Variants in RDX observed in about 807,000 individuals in gnomAD.
RDX encodes deafness, autosomal recessive 24.
RDX carries 32 observed loss-of-function variants against 83.7 expected under a neutral mutation model. The ratio of observed to expected loss-of-function variants is 0.38; its 90% confidence interval spans 0.29 to 0.51. The LOEUF (loss-of-function observed/expected upper bound fraction) is 0.51. Ranked by LOEUF, RDX falls within the 20% of genes least tolerant of loss-of-function variation. The probability of loss-of-function intolerance (pLI) is 0.87; values close to 1 mark genes in which losing one functional copy is unlikely to be tolerated. For missense variants in RDX, 600 were observed against 689.9 expected, an observed-to-expected ratio of 0.87 and a Z score of 1.46; for synonymous variants, 229 against 222.7, an observed-to-expected ratio of 1.03 and a Z score of -0.25.
intron 1 of RDX, among the ~76,000 whole-genome samples, chr11:110,286,786 G>GC (rs1337711812): frequency 6.6e-6 from 1 of 152,100 alleles, no homozygotes; most frequent in Admixed American, 6.6e-5. Flanking sequence ...ACTGAATAAG[G>GC]CAACTCTGGC....
In RDX at chr11:110,232,013, G is replaced by A; in HGVS notation, c.1608C>T (p.Ala536=). 6.2e-7 allele frequency: 1 copy of A among 1,613,466 alleles called. No homozygotes were observed. Among genetic ancestry groups the A allele is most frequent in the Non-Finnish European group, 8.5e-7 (1 of 1,179,750 alleles). The change falls in exon 14 of 14, where the codon GCC becomes GCT. Residue 536 remains alanine, a synonymous_variant. Coordinates refer to ENST00000645495, the MANE Select transcript of RDX (RefSeq NM_002906.4). Reference sequence around the variant, plus strand: ...TTTTCTTGGTTTCATCTCTGGCTTGGGCTAATTCTGAACTTAATGCCTATT... The same window carrying A: ...TTTTCTTGGTTTCATCTCTGGCTTGAGCTAATTCTGAACTTAATGCCTATT... ...KQLQALSSEL[A]QARDETKKTQ...
intron 3 of RDX, among the ~76,000 whole-genome samples, chr11:110,268,391 C>G (rs548154104): frequency 3.3e-4 from 50 of 151,314 alleles, no homozygotes; most frequent in African/African-American, 1.2e-3. Context: ...AATGCAAAAG[C>G]TGATCAATGT....
chr11:110,223,268 G>C (rs1864315823), intron 14 of RDX, among the ~76,000 whole-genome samples: 1 of 152,116 alleles, frequency 6.6e-6, no homozygotes, highest in Non-Finnish European at 1.5e-5. Flanking sequence ...CAGAAGAATG[G>C]CGTGAACCCG....
In RDX at chr11:110,272,582, T is replaced by A; in HGVS notation, c.50A>T (p.Glu17Val). The change falls in exon 3 of 14, where the codon GAA becomes GTA. Residue 17 changes from glutamate (E) to valine (V), a missense_variant. Coordinates refer to ENST00000645495, the MANE Select transcript of RDX (RefSeq NM_002906.4). ...VRVTTMDAELEFAIQPNTTGK... is the reference protein window; with the variant it reads ...VRVTTMDAELVFAIQPNTTGK... ...AGTTGTATTGGGCTGAATGGCAAAT[T>A]CCAGCTCAGCATCCATTGTAGTTAC... 1 of 1,612,406 alleles carries A rather than the reference T, an allele frequency of 6.2e-7. No homozygotes were observed. Among genetic ancestry groups the A allele is most frequent in the South Asian group, 1.1e-5 (1 of 90,840 alleles).
intron 14 of RDX, among the ~76,000 whole-genome samples, chr11:110,219,396 G>A (rs1305640584): frequency 6.6e-6 from 1 of 152,214 alleles, no homozygotes; most frequent in African/African-American, 2.4e-5. Flanking sequence ...CTCAGAGATG[G>A]GAAACCTCCG....
intron 14 of RDX, among the ~76,000 whole-genome samples, chr11:110,215,365 AAAATAAATAAATAAATAAAT>A (rs141643262): frequency 9.2e-5 from 13 of 141,814 alleles, no homozygotes; most frequent in East Asian, 4.1e-4. Context: ...TCCATCTCAA[AAAATAAATAAATAAATAAAT>A]AAATAAATAA....
intron 14 of RDX, among the ~76,000 whole-genome samples, chr11:110,205,215 C>T (rs1343554339): frequency 2.6e-5 from 4 of 152,058 alleles, no homozygotes; most frequent in Admixed American, 2.6e-4. Context: ...TGGATCCATA[C>T]TTCATACCAT....
At chr11:110,270,328 T>C (rs141534129) in intron 3 of RDX, among the ~76,000 whole-genome samples, 4 of 152,302 alleles carry the variant, frequency 2.6e-5, no homozygotes, top group South Asian at 2.1e-4. Context: ...TTGAATACTG[T>C]AGGCAACTCT....
chr11:110,199,849 C>T (rs1349663080), intron 14 of RDX, among the ~76,000 whole-genome samples: 1 of 151,530 alleles, frequency 6.6e-6, no homozygotes, highest in Non-Finnish European at 1.5e-5. Flanking sequence ...TCTTTAACCT[C>T]TTTTTTTTTC....
intron 15 of RDX, among the ~76,000 whole-genome samples, chr11:110,193,454 C>T (rs145623703): frequency 5.3e-5 from 8 of 152,196 alleles, no homozygotes; most frequent in Non-Finnish European, 8.8e-5. Context: ...CATTCATACC[C>T]CAAACCTCAG....
At chr11:110,225,517 T>A (rs1207253915), downstream of RDX, among the ~76,000 whole-genome samples, 1 of 152,216 alleles carries the variant, frequency 6.6e-6, no homozygotes, top group Non-Finnish European at 1.5e-5. Flanking sequence ...TAACTTCTTT[T>A]ATGATTTGAG....
chr11:110,244,964 GTT>G (rs200267779), intron 10 of RDX, among the ~76,000 whole-genome samples: 20 of 136,258 alleles, frequency 1.5e-4, no homozygotes, highest in Admixed American at 2.2e-4. Flanking sequence ...GTACTTCAAA[GTT>G]TTTTTTTTTT....
At chr11:110,185,776 C>A (rs1241339785) in intron 15 of RDX, among the ~76,000 whole-genome samples, 2 of 152,176 alleles carry the variant, frequency 1.3e-5, no homozygotes, top group East Asian at 1.9e-4. Flanking sequence ...CAGGTGGGAG[C>A]CTGGCCTCTG....
At chr11:110,226,252 T>C (rs577095778), downstream of RDX, among the ~76,000 whole-genome samples, 1 of 152,020 alleles carries the variant, frequency 6.6e-6, no homozygotes, top group East Asian at 1.9e-4. Context: ...AACAGATAAA[T>C]GGATAAAATA....
At chr11:110,217,448 GAATA>G (rs749780948) in intron 14 of RDX, among the ~76,000 whole-genome samples, 7 of 152,170 alleles carry the variant, frequency 4.6e-5, no homozygotes, top group Non-Finnish European at 1.0e-4. Context: ...ATATTTGGAT[GAATA>G]AATGGAAGGA....
chr11:110,190,620 C>T (rs1478528045), intron 15 of RDX, among the ~76,000 whole-genome samples: 2 of 151,660 alleles, frequency 1.3e-5, no homozygotes, highest in Non-Finnish European at 2.9e-5. Context: ...ACATTGAGGC[C>T]CAAAAATCCA....
At chr11:110,286,261 C>G (rs534455949) in intron 1 of RDX, among the ~76,000 whole-genome samples, 1 of 152,278 alleles carries the variant, frequency 6.6e-6, no homozygotes, top group South Asian at 2.1e-4. Context: ...AGCAACATAC[C>G]CAGCAAGTCG....
intron 7 of RDX, among the ~76,000 whole-genome samples, chr11:110,256,907 G>C (rs1194661166): frequency 6.6e-6 from 1 of 152,060 alleles, no homozygotes; most frequent in African/African-American, 2.4e-5. Context: ...TTAGATATCT[G>C]TAGTAATAAA....
chr11:110,226,231 C>T (rs4754435), downstream of RDX, among the ~76,000 whole-genome samples: 67,753 of 151,978 alleles, frequency 0.45, 15,333 homozygotes, highest in East Asian at 0.61. Flanking sequence ...GTAATTTAAG[C>T]GTCCATCAAT....
Sources: allele counts gnomAD v4.1 joint callset (sites outside exome capture counted in the v4.1 genomes callset), GRCh38; gene constraint gnomAD v4.1.1; transcripts MANE v1.5; gene names NCBI Gene and HGNC (gene_info 2026-07-23, HGNC 2026-07-21).